Variants in CNBD1 observed in about 807,000 individuals in gnomAD.
CNBD1 encodes the protein cyclic nucleotide binding domain containing 1, also known as cyclic nucleotide-binding domain-containing protein 1.
A neutral mutation model predicts 54.4 loss-of-function variants in CNBD1; 71 were observed. The observed-to-expected ratio is 1.30, with a 90% CI of 1.08 to 1.59. The LOEUF (loss-of-function observed/expected upper bound fraction) is 1.59. Ranked by LOEUF, CNBD1 falls within the 40% of genes most tolerant of loss-of-function variation. The pLI is 0.00. For missense variants in CNBD1, 659 were observed against 518.0 expected, an observed-to-expected ratio of 1.27 and a Z score of -2.64; for synonymous variants, 182 against 170.7, an observed-to-expected ratio of 1.07 and a Z score of -0.51.
intron 4 of CNBD1, among the ~76,000 whole-genome samples, chr8:87,123,577 A>G (rs541183603): frequency 6.6e-6 from 1 of 151,858 alleles, no homozygotes; most frequent in Non-Finnish European, 1.5e-5. Context: ...AAAGATCTCA[A>G]ATAAATAATC....
chr8:87,219,735 C>T (rs899827487), intron 5 of CNBD1, among the ~76,000 whole-genome samples: 1 of 151,870 alleles, frequency 6.6e-6, no homozygotes, highest in African/African-American at 2.4e-5. Flanking sequence ...ATTGTTCATG[C>T]TTACTGTTTG....
At chr8:86,982,056 A>C (rs1808499667) in intron 4 of CNBD1, among the ~76,000 whole-genome samples, 1 of 152,216 alleles carries the variant, frequency 6.6e-6, no homozygotes, top group South Asian at 2.1e-4. Context: ...GTTGCTCCAC[A>C]TCCTGACCAA....
At chr8:87,327,809 G>A (rs1477880998) in intron 8 of CNBD1, among the ~76,000 whole-genome samples, 1 of 152,058 alleles carries the variant, frequency 6.6e-6, no homozygotes, top group Non-Finnish European at 1.5e-5. Flanking sequence ...GTTCCTATTC[G>A]GCCATCTTGG....
At chr8:87,072,003 G>T (rs1033234566) in intron 4 of CNBD1, among the ~76,000 whole-genome samples, 1 of 151,974 alleles carries the variant, frequency 6.6e-6, no homozygotes, top group South Asian at 2.1e-4. Context: ...CCTGTGTTGG[G>T]GGCATATATA....
intron 10 of CNBD1, among the ~76,000 whole-genome samples, chr8:87,365,818 G>A (rs563465330): frequency 4.0e-5 from 6 of 151,898 alleles, no homozygotes; most frequent in Admixed American, 2.0e-4. Flanking sequence ...ATAAATAACT[G>A]GTTTATTGAA....
chr8:87,084,677 C>A (rs530827880), intron 4 of CNBD1, among the ~76,000 whole-genome samples: 62 of 150,138 alleles, frequency 4.1e-4, no homozygotes, highest in African/African-American at 1.5e-3. Flanking sequence ...TTCTTTTTTT[C>A]TTTTCTTTTT....
chr8:87,393,561 C>T (rs1376729799), intron 2 of CNBD1, among the ~76,000 whole-genome samples: 1 of 151,742 alleles, frequency 6.6e-6, no homozygotes, highest in African/African-American at 2.4e-5. Flanking sequence ...CCCCCAAAGA[C>T]ATTATGGTTT....
At chr8:87,110,346 A>G (rs996355390) in intron 4 of CNBD1, among the ~76,000 whole-genome samples, 1 of 152,200 alleles carries the variant, frequency 6.6e-6, no homozygotes, top group African/African-American at 2.4e-5. Context: ...GCCTAAGCAT[A>G]TTGGCAGCCT....
chr8:87,306,766 G>A (rs1300794175), intron 8 of CNBD1, among the ~76,000 whole-genome samples: 1 of 152,088 alleles, frequency 6.6e-6, no homozygotes, highest in Admixed American at 6.6e-5. Flanking sequence ...TGGGGGAAGA[G>A]TGGGAGGGGG....
chr8:87,399,934 C>A (rs1807517385), intron 2 of CNBD1, among the ~76,000 whole-genome samples: 1 of 151,788 alleles, frequency 6.6e-6, no homozygotes, highest in South Asian at 2.1e-4. Context: ...GAAGGAAGAG[C>A]AATGACATCA....
At chr8:87,312,643 G>A (rs990147673) in intron 8 of CNBD1, among the ~76,000 whole-genome samples, 6 of 151,910 alleles carry the variant, frequency 3.9e-5, no homozygotes, top group Non-Finnish European at 7.4e-5. Context: ...AGCCATATGA[G>A]TAATTAATTT....
Position 87,109,809 on chromosome 8 carries a change from A to G in CNBD1, c.432-96184A>G, listed in dbSNP as rs561178965. Among the ~76,000 whole-genome samples the G allele has an allele frequency of 5.9e-5, 9 of 152,180 alleles. No homozygotes were observed. The East Asian group carries it at 1.2e-3, about 20-fold the overall frequency. On this transcript the variant is annotated intron_variant, in intron 4 of 10. Coordinates refer to ENST00000518476, the MANE Select transcript of CNBD1 (RefSeq NM_173538.3). ...TGCCTCAGCCTCCCAAAGTGCTGGG[A>G]TTACAAGTGTGAGCCACCGTGCCCA...
At chr8:86,925,960 A>G (rs1809353328) in intron 3 of CNBD1, among the ~76,000 whole-genome samples, 1 of 152,078 alleles carries the variant, frequency 6.6e-6, no homozygotes, top group Non-Finnish European at 1.5e-5. Flanking sequence ...GGGTAAAAGG[A>G]ACCCAAGTTG....
intron 6 of CNBD1, among the ~76,000 whole-genome samples, chr8:87,255,344 G>T (rs1807989784): frequency 6.6e-6 from 1 of 152,092 alleles, no homozygotes. Flanking sequence ...AAAATGTACT[G>T]AGTAGTTATA....
At chr8:87,044,865 T>C (rs1336472003) in intron 4 of CNBD1, among the ~76,000 whole-genome samples, 1 of 152,164 alleles carries the variant, frequency 6.6e-6, no homozygotes, top group Non-Finnish European at 1.5e-5. Flanking sequence ...GGCCTACTTA[T>C]CTGTACAGCT....
chr8:87,110,746 T>G (rs1216802437), intron 4 of CNBD1, among the ~76,000 whole-genome samples: 1 of 152,258 alleles, frequency 6.6e-6, no homozygotes, highest in African/African-American at 2.4e-5. Context: ...TTAGACTATC[T>G]TGTGATAGAA....
chr8:87,245,771 G>C (rs1358048681), intron 6 of CNBD1, among the ~76,000 whole-genome samples: 9 of 151,860 alleles, frequency 5.9e-5, no homozygotes, highest in Non-Finnish European at 4.4e-5. Flanking sequence ...GATTATAGTA[G>C]TGATATAATT....
rs1333409419 is a variant in CNBD1, at chr8:86,999,219, TC to T, written c.431+59469del. ...TCTCTCACCCAATAGCTAAGGTTCT[TC>T]CCCTCTTGGGGTCCAGAAGGAGAGT... On this transcript the variant is annotated intron_variant, in intron 4 of 10. Coordinates refer to ENST00000518476, the MANE Select transcript of CNBD1 (RefSeq NM_173538.3). Among the ~76,000 whole-genome samples, 4 of 152,288 alleles carry T rather than the reference TC, an allele frequency of 2.6e-5. No individual in the cohort carries two copies. In the South Asian group the frequency reaches 6.2e-4, roughly 24 times the overall value.
intron 4 of CNBD1, among the ~76,000 whole-genome samples, chr8:86,979,486 C>G (rs958047879): frequency 6.7e-6 from 1 of 148,728 alleles, no homozygotes; most frequent in Admixed American, 6.7e-5. Context: ...AGCTACTTCA[C>G]AGGCTGAGGT....
Sources: gnomAD v4.1 joint callset for allele counts (sites outside exome capture counted in the v4.1 genomes callset) on GRCh38, gnomAD v4.1.1 for gene constraint, MANE v1.5 for transcripts, NCBI Gene and HGNC (gene_info 2026-07-23, HGNC 2026-07-21) for gene names.